ANO3: variants seen among roughly 807,000 people sequenced by gnomAD.
ANO3 encodes anoctamin-3.
ANO3 carries 99 observed loss-of-function variants against 144.8 expected under a neutral mutation model. The ratio of observed to expected loss-of-function variants is 0.68; its 90% CI spans 0.58 to 0.81. The LOEUF (loss-of-function observed/expected upper bound fraction) is 0.81. Among genes scored for constraint, ANO3 ranks in the 30% least tolerant of loss-of-function variants. ANO3 has a pLI of 0.00. For synonymous variants in ANO3, 414 were observed against 392.6 expected (o/e 1.05, Z -0.64); for missense variants, 905 against 1,202.2 (o/e 0.75, Z 3.66).
At chr11:26,648,348 C>T (rs1299596301) in intron 24 of ANO3, among the ~76,000 whole-genome samples, 1 of 152,106 alleles carries the variant, frequency 6.6e-6, no homozygotes, top group Non-Finnish European at 1.5e-5. Context: ...CGCAAAAAAT[C>T]CTGTCTCCCA....
At chr11:26,440,013 C>A (rs140372031) in intron 1 of ANO3, among the ~76,000 whole-genome samples, 1 of 152,084 alleles carries the variant, frequency 6.6e-6, no homozygotes, top group African/African-American at 2.4e-5. Context: ...GTAATAGGCA[C>A]GCCACAATAA....
chr11:26,263,970 G>T (rs1483119948), intron 1 of ANO3, among the ~76,000 whole-genome samples: 2 of 152,164 alleles, frequency 1.3e-5, no homozygotes, highest in African/African-American at 4.8e-5. Flanking sequence ...TAAAGGTAAA[G>T]CCATCACATT....
chr11:26,623,738 T>TA (rs200333374), intron 17 of ANO3, among the ~76,000 whole-genome samples: 1,971 of 150,978 alleles, frequency 0.013, 34 homozygotes, highest in Middle Eastern at 0.051. Context: ...TCCAGTGTTG[T>TA]AAAAAAAAAC....
At chr11:26,575,022 A>G (rs966720072) in intron 14 of ANO3, among the ~76,000 whole-genome samples, 6 of 152,128 alleles carry the variant, frequency 3.9e-5, no homozygotes, top group Non-Finnish European at 7.4e-5. Context: ...TAATTCGACC[A>G]TAGTTAAAAG....
At chr11:26,360,446 T>C (rs1855896831) in intron 1 of ANO3, among the ~76,000 whole-genome samples, 1 of 152,108 alleles carries the variant, frequency 6.6e-6, no homozygotes, top group Non-Finnish European at 1.5e-5. Context: ...AAAGGGGTGT[T>C]GGCATTCTAC....
chr11:26,462,401 A>G (rs1030997692), intron 3 of ANO3, among the ~76,000 whole-genome samples: 3 of 151,884 alleles, frequency 2.0e-5, no homozygotes, highest in Non-Finnish European at 4.4e-5. Context: ...TACATTAATT[A>G]CAGCTTATTC....
intron 6 of ANO3, among the ~76,000 whole-genome samples, chr11:26,519,354 T>C (rs146814267): frequency 7.4e-4 from 113 of 152,346 alleles, no homozygotes; most frequent in African/African-American, 2.7e-3. Context: ...CATTTTTTTA[T>C]TTCCGTTGTT....
intron 14 of ANO3, among the ~76,000 whole-genome samples, chr11:26,563,766 G>C (rs1440058292): frequency 6.6e-6 from 1 of 151,814 alleles, no homozygotes; most frequent in African/African-American, 2.4e-5. Flanking sequence ...TATCCTGATA[G>C]AAGGTATTTC....
chr11:26,252,012 G>A (rs1041154120), intron 1 of ANO3, among the ~76,000 whole-genome samples: 1 of 152,068 alleles, frequency 6.6e-6, no homozygotes, highest in African/African-American at 2.4e-5. Context: ...GGTTTCAAGT[G>A]TTCTTTAATG....
intron 7 of ANO3, among the ~76,000 whole-genome samples, chr11:26,530,572 T>C (rs1849344531): frequency 1.3e-5 from 2 of 150,530 alleles, no homozygotes; most frequent in South Asian, 2.1e-4. Context: ...AAAAAAACTC[T>C]CTTTCTGGCC....
chr11:26,492,429 C>T (rs1860746068), intron 4 of ANO3, among the ~76,000 whole-genome samples: 1 of 152,170 alleles, frequency 6.6e-6, no homozygotes, highest in Non-Finnish European at 1.5e-5. Context: ...TTGGTCAGCT[C>T]CATCTGTCAT....
At chr11:26,201,694 G>A (rs763174779) in intron 1 of ANO3, among the ~76,000 whole-genome samples, 1 of 151,304 alleles carries the variant, frequency 6.6e-6, no homozygotes, top group Non-Finnish European at 1.5e-5. Context: ...CTAAGCTCAT[G>A]AATGTCATGA....
At chr11:26,509,891 C>T (rs1001645382) in intron 5 of ANO3, among the ~76,000 whole-genome samples, 2 of 151,950 alleles carry the variant, frequency 1.3e-5, no homozygotes, top group Non-Finnish European at 2.9e-5. Context: ...CGCTTATAAT[C>T]CCAGCACTTT....
At chr11:26,484,784 C>A (rs549197107) in intron 4 of ANO3, among the ~76,000 whole-genome samples, 2 of 152,328 alleles carry the variant, frequency 1.3e-5, no homozygotes, top group Admixed American at 6.5e-5. Flanking sequence ...CCTGCAGAGC[C>A]ACTGGGGCAC....
chr11:26,370,383 C>T (rs908324916), intron 1 of ANO3, among the ~76,000 whole-genome samples: 2 of 152,108 alleles, frequency 1.3e-5, no homozygotes, highest in African/African-American at 2.4e-5. Flanking sequence ...TCAATTAAAC[C>T]TCTTTTCTTT....
chr11:26,514,302 C>A (rs889201071), intron 5 of ANO3, among the ~76,000 whole-genome samples: 1 of 152,076 alleles, frequency 6.6e-6, no homozygotes, highest in East Asian at 1.9e-4. Context: ...AAGATTCAAG[C>A]TTTGTAAGTC....
chr11:26,471,102 A>T (rs1302263048), intron 4 of ANO3, among the ~76,000 whole-genome samples: 1 of 151,932 alleles, frequency 6.6e-6, no homozygotes, highest in African/African-American at 2.4e-5. Context: ...GACATTAGGT[A>T]GTAATACTCT....
At chr11:26,491,730 A>G (rs1029297444) in intron 4 of ANO3, among the ~76,000 whole-genome samples, 3 of 152,228 alleles carry the variant, frequency 2.0e-5, no homozygotes, top group African/African-American at 7.2e-5. Flanking sequence ...CATACGCACA[A>G]GGAAATAGTT....
intron 1 of ANO3, among the ~76,000 whole-genome samples, chr11:26,252,954 C>T (rs1852967731): frequency 6.6e-6 from 1 of 152,092 alleles, no homozygotes; most frequent in African/African-American, 2.4e-5. Flanking sequence ...ACAACAGGTT[C>T]CCTTGTTAAG....
Sources: allele counts gnomAD v4.1 joint callset (sites outside exome capture counted in the v4.1 genomes callset), GRCh38; gene constraint gnomAD v4.1.1; transcripts MANE v1.5; gene names NCBI Gene and HGNC (gene_info 2026-07-23, HGNC 2026-07-21).